CGNL1: variants seen among roughly 807,000 people sequenced by gnomAD.
CGNL1 encodes cingulin-like protein 1.
A neutral mutation model predicts 141.2 loss-of-function variants in CGNL1; 132 were observed. The observed-to-expected ratio is 0.93, with a 90% CI of 0.81 to 1.08. The LOEUF (loss-of-function observed/expected upper bound fraction) is 1.08. Among genes scored for constraint, CGNL1 ranks in the 50% least tolerant of loss-of-function variants. The pLI is 0.00. For synonymous variants in CGNL1, 690 were observed against 622.1 expected (o/e 1.11, Z -1.63); for missense variants, 1,870 against 1,588.6 (o/e 1.18, Z -3.01).
chr15:57,477,965 C>G (rs2063677694), intron 8 of CGNL1, among the ~76,000 whole-genome samples: 1 of 152,142 alleles, frequency 6.6e-6, no homozygotes, highest in Non-Finnish European at 1.5e-5. Flanking sequence ...TTTACTTTGC[C>G]CCTGTGTAGC....
At chr15:57,505,070 C>T (rs191042542) in intron 8 of CGNL1, among the ~76,000 whole-genome samples, 20 of 152,158 alleles carry the variant, frequency 1.3e-4, no homozygotes, top group African/African-American at 4.6e-4. Context: ...AAGGAGGGAC[C>T]GAGTGAGAGT....
At chr15:57,485,922 A>G (rs1185706664) in intron 8 of CGNL1, among the ~76,000 whole-genome samples, 3 of 152,160 alleles carry the variant, frequency 2.0e-5, no homozygotes, top group Non-Finnish European at 1.5e-5. Flanking sequence ...GCCCAGTCTC[A>G]CTAACCTCTC....
At chr15:57,457,726 TCACTACCA>T (rs1295234933) in intron 7 of CGNL1, among the ~76,000 whole-genome samples, 1 of 152,128 alleles carries the variant, frequency 6.6e-6, no homozygotes, top group Non-Finnish European at 1.5e-5. Context: ...TGAGACTTAC[TCACTACCA>T]CAAGAACAGT....
In CGNL1 at chr15:57,440,307, G is replaced by A. The variant is rs542892297; in HGVS notation, c.1603-70G>A. 71 of 1,090,564 alleles carry A rather than the reference G, an allele frequency of 6.5e-5. No homozygotes were observed. The East Asian group carries it at 1.7e-3, about 26-fold the overall frequency. 67.6% of individuals were successfully genotyped at this position (1,090,564 alleles called of 1,614,324 possible). A position where few individuals can be genotyped will look rare whatever the true frequency, so the allele number is the denominator to read the frequency against. ...GCTCTAAGAAGGATGCTCACTGGAG[G>A]AATTGTTTGGTGTTTGGAAGCCTCT... is the stretch of plus-strand genomic sequence containing the variant. On this transcript the variant is annotated intron_variant, in intron 2 of 18. Coordinates refer to ENST00000281282, the MANE Select transcript of CGNL1 (RefSeq NM_032866.5).
chr15:57,504,911 C>T (rs1310096684), intron 8 of CGNL1, among the ~76,000 whole-genome samples: 1 of 152,156 alleles, frequency 6.6e-6, no homozygotes, highest in East Asian at 1.9e-4. Flanking sequence ...GGTCAGCACC[C>T]CAAGATGGTT....
At chr15:57,442,182 GAAAAAAAA>G (rs61564944) in intron 3 of CGNL1, among the ~76,000 whole-genome samples, 183 bp from the exon 4 acceptor site, 4 of 96,530 alleles carry the variant, frequency 4.1e-5, no homozygotes, top group African/African-American at 1.3e-4. Context: ...TCATTTATTT[GAAAAAAAA>G]AAAAAAAAAA....
intron 8 of CGNL1, among the ~76,000 whole-genome samples, chr15:57,468,812 G>A (rs1415928269): frequency 6.6e-6 from 1 of 152,094 alleles, no homozygotes; most frequent in Admixed American, 6.5e-5. Flanking sequence ...TCATGGGGGT[G>A]GTTTCCCCCA....
At chr15:57,444,288 G>A (rs1284097949) in intron 4 of CGNL1, among the ~76,000 whole-genome samples, 4 of 152,046 alleles carry the variant, frequency 2.6e-5, no homozygotes, top group South Asian at 2.1e-4. Flanking sequence ...TTTTGGTATC[G>A]AAATGTAATT....
intron 1 of CGNL1, chr15:57,398,243 T>C (rs1450390859): frequency 1.3e-5 from 2 of 152,274 alleles, no homozygotes; most frequent in African/African-American, 4.8e-5. Context: ...TGGGTATATT[T>C]CTTTTTTCCC....
chr15:57,492,291 G>T (rs1488876527), intron 8 of CGNL1, among the ~76,000 whole-genome samples: 1 of 152,184 alleles, frequency 6.6e-6, no homozygotes, highest in Non-Finnish European at 1.5e-5. Flanking sequence ...ACATTCAAAA[G>T]ATGAGGTGGG....
At chr15:57,508,376 C>T (rs2029909627) in intron 8 of CGNL1, among the ~76,000 whole-genome samples, 1 of 152,142 alleles carries the variant, frequency 6.6e-6, no homozygotes, top group Non-Finnish European at 1.5e-5. Flanking sequence ...TGGCTCAACC[C>T]CATCTTGCCC....
At chr15:57,485,424 T>C (rs1286220173) in intron 8 of CGNL1, among the ~76,000 whole-genome samples, 1 of 152,214 alleles carries the variant, frequency 6.6e-6, no homozygotes, top group Non-Finnish European at 1.5e-5. Context: ...AAATAAATGA[T>C]TTTTCTTTCC....
chr15:57,518,316 T>C, intron 9 of CGNL1, 77 bp from the exon 10 acceptor site: 1 of 1,077,162 alleles, frequency 9.3e-7, no homozygotes, highest in Non-Finnish European at 1.4e-6. Flanking sequence ...GTCTTCGGTG[T>C]TCATTTAATT....
At chr15:57,413,166 C>CT (rs751383807) in intron 1 of CGNL1, among the ~76,000 whole-genome samples, 3 of 151,076 alleles carry the variant, frequency 2.0e-5, no homozygotes, top group African/African-American at 7.3e-5. Flanking sequence ...CCTTCTTCTC[C>CT]TTCTTTCTTT....
chr15:57,495,841 T>C (rs1357709227), intron 8 of CGNL1, among the ~76,000 whole-genome samples: 1 of 152,138 alleles, frequency 6.6e-6, no homozygotes. Context: ...TAATACCAAG[T>C]GAAGGCCAAG....
chr15:57,386,170 C>T (rs1328412954), intron 1 of CGNL1, among the ~76,000 whole-genome samples: 5 of 152,186 alleles, frequency 3.3e-5, no homozygotes, highest in African/African-American at 2.4e-5. Context: ...TATAAATAGC[C>T]ATGCTAAAAC....
At position 57,547,399 on chromosome 15, in the gene CGNL1, A is replaced by G; in HGVS notation, c.3818A>G (p.Asp1273Gly). 1 of 1,614,240 alleles carries G rather than the reference A, an allele frequency of 6.2e-7. No homozygotes were observed. The highest frequency in any genetic ancestry group is 8.5e-7 in the Non-Finnish European group (1 of 1,180,028). The part of the protein sequence containing the change: ...PSKVLDDMDD[D>G]DDLSTDGGSL... ...AAAGTGCTGGATGACATGGATGACG[A>G]CGATGACCTCAGCACGGATGGGGGA... Residue 1273 changes from aspartate (D) to glycine (G), a missense_variant, in exon 19 of 19, where the codon GAC becomes GGC. Physicochemically the swap from Asp to Gly is moderately conservative, Grantham distance 94 (BLOSUM62 -1). Transcript: ENST00000281282.
At chr15:57,546,391 TC>T in intron 18 of CGNL1, 152 bp downstream of exon 18, 1 of 906,548 alleles carries the variant, frequency 1.1e-6, no homozygotes, top group Non-Finnish European at 1.6e-6. Flanking sequence ...GGTGGCTGTG[TC>T]CACTTTAGTC....
intron 7 of CGNL1, among the ~76,000 whole-genome samples, chr15:57,460,241 A>G (rs1366801019): frequency 6.6e-6 from 1 of 152,178 alleles, no homozygotes; most frequent in Non-Finnish European, 1.5e-5. Context: ...CAACTGGGAA[A>G]AGGCCATCGG....
Sources: gnomAD v4.1 joint callset for allele counts (sites outside exome capture counted in the v4.1 genomes callset) on GRCh38, gnomAD v4.1.1 for gene constraint, MANE v1.5 for transcripts, NCBI Gene and HGNC (gene_info 2026-07-23, HGNC 2026-07-21) for gene names.